CPT1C: variants seen among roughly 807,000 people sequenced by gnomAD.
The protein encoded by CPT1C is palmitoyl thioesterase CPT1C.
CPT1C carries 61 observed loss-of-function variants against 97.3 expected under a neutral mutation model. The observed-to-expected ratio is 0.63, with a 90% CI of 0.51 to 0.78. CPT1C has a LOEUF of 0.78. CPT1C is among the 30% of genes least tolerant of loss of function. CPT1C has a pLI of 0.00. For missense variants in CPT1C, 975 were observed against 1,065.5 expected (o/e 0.92, Z 1.18); for synonymous variants, 469 against 447.2 (o/e 1.05, Z -0.61).
chr19:49,700,224 G>A (rs1198547436), intron 4 of CPT1C, among the ~76,000 whole-genome samples: 5 of 151,118 alleles, frequency 3.3e-5, no homozygotes, highest in South Asian at 2.1e-4. Context: ...TCCAGCCTGG[G>A]CGACAGAGCG....
chr19:49,702,026 T>TATAA (rs374509367), intron 7 of CPT1C, among the ~76,000 whole-genome samples: 114 of 9,628 alleles, frequency 0.012, 19 homozygotes, highest in African/African-American at 0.019. Context: ...ATTTATAAAT[T>TATAA]ATAAATATAT....
chr19:49,704,816 G>C (rs200029616), intron 8 of CPT1C, 29 bp downstream of exon 8: 320 of 1,601,362 alleles, frequency 2.0e-4, no homozygotes, highest in Non-Finnish European at 2.4e-4. Flanking sequence ...AGGTTCATAG[G>C]CCCCAGGTCT....
At chr19:49,693,640 C>T (rs565748643) in intron 3 of CPT1C, among the ~76,000 whole-genome samples, 119 of 152,222 alleles carry the variant, frequency 7.8e-4, no homozygotes, top group Non-Finnish European at 1.4e-3. Context: ...GACAGAATCA[C>T]GCCTGGGCAC....
At chr19:49,711,551 A>C in intron 16 of CPT1C, 2 of 523,980 alleles carry the variant, frequency 3.8e-6, no homozygotes, top group South Asian at 2.4e-5. Flanking sequence ...CCGCACCTAC[A>C]AGGTATTGTG....
rs1199765668 is a variant in CPT1C, at chr19:49,692,408, T to G, written c.141+15T>G. 3.1e-6 allele frequency: 5 copies of G among 1,613,648 alleles called. No individual in the cohort carries two copies. The stretch of plus-strand genomic sequence containing the variant: ...CACGTTTCTGGGTGAGGAGCGGTGC[T>G]GGTCGGTTTCCTTCCGGGGATCCAG... On this transcript the variant is annotated intron_variant, in intron 3 of 19. Transcript: ENST00000598293.
rs1204304417 is a variant in CPT1C, at chr19:49,705,246, T to C, written c.912T>C (p.Ser304=). 1 of 1,612,640 alleles carries C rather than the reference T, an allele frequency of 6.2e-7. No individual in the cohort carries two copies. The highest frequency in any genetic ancestry group is 1.3e-5 in the African/African-American group (1 of 74,872). ...TGATGGGAATGCGCCCCTTATGCTC[T>C]GCCCAGTACGAGAAGATCTTCAACA... ...TLLMGMRPLC[S]AQYEKIFNTT... is the part of the protein sequence containing the mutation. Residue 304 remains serine, a synonymous_variant, in exon 10 of 20, where the codon TCT becomes TCC. Transcript: ENST00000598293.
Position 49,712,822 on chromosome 19 carries a change from T to C in CPT1C, c.2106T>C (p.Tyr702=), listed in dbSNP as rs1371944682. ...HLFDVHNYPD[Y]VSSGGGFGPA... is the part of the protein sequence containing the mutation. ...TTGACGTCCACAATTACCCGGACTA[T>C]GTTTCCTCAGGCGGTGGATTCGGGC... Residue 702 remains tyrosine (Y), a synonymous_variant, in exon 18 of 20, where the codon TAT becomes TAC. Coordinates refer to ENST00000598293, the MANE Select transcript of CPT1C (RefSeq NM_001199753.2). The C allele has an allele frequency of 1.2e-6, 2 of 1,611,496 alleles. No homozygotes were observed. Among genetic ancestry groups the C allele is most frequent in the East Asian group, 4.5e-5 (2 of 44,670 alleles).
At position 49,710,323 on chromosome 19, in the gene CPT1C, C is replaced by T. The variant is rs1276258249; in HGVS notation, c.1570C>T (p.His524Tyr). The T allele has an allele frequency of 8.1e-6, 13 of 1,613,712 alleles. No individual in the cohort carries two copies. Among genetic ancestry groups the T allele is most frequent in the African/African-American group, 1.3e-5 (1 of 74,922 alleles). The change falls in exon 15 of 20, where the codon CAC (histidine) becomes TAC (tyrosine). Residue 524 changes from histidine (H) to tyrosine (Y), a missense_variant. By Grantham distance (83) the His-to-Tyr change is moderately conservative. Coordinates refer to ENST00000598293, the MANE Select transcript of CPT1C (RefSeq NM_001199753.2). ...RLQWDLPDQI[H>Y]SSISLALRGA... ...CTCTTCCCTCCTCCTCTGGCAGATC[C>T]ACTCCTCCATCTCTCTAGCCCTGAG... is the stretch of plus-strand genomic sequence containing the variant.
Position 49,700,929 on chromosome 19 carries a change from TC to T in CPT1C, c.453+79del, listed in dbSNP as rs2082984445. 5 of 1,498,098 alleles carry T rather than the reference TC, an allele frequency of 3.3e-6. No homozygotes were observed. The Admixed American group carries it at 5.1e-5, about 15-fold the overall frequency. The allele number at this position is 1,498,098 out of a possible 1,614,324, so 92.8% of individuals were successfully genotyped here. A position where few individuals can be genotyped will look rare whatever the true frequency, so the allele number is the denominator to read the frequency against. ...CTATTCCCCTCTCTCTGGGTCTCTG[TC>T]CCCCTCTCTCTGGGTCTCTGTCCCT... On this transcript the variant is annotated intron_variant, in intron 5 of 19. Transcript: ENST00000598293.
chr19:49,705,978 G>A lies in CPT1C; in HGVS notation c.1034G>A (p.Gly345Glu). Residue 345 changes from glycine (G) to glutamate (E), a missense_variant, in exon 11 of 20, where the codon GGG (glycine) becomes GAG (glutamate). Gly to Glu is a moderately conservative substitution (Grantham distance 98). This residue lies in a region of CPT1C where 596 missense variants were observed against 603.1 expected (regional missense o/e 0.99). Coordinates refer to ENST00000598293, the MANE Select transcript of CPT1C (RefSeq NM_001199753.2). ...CACCGGGGCCGATTCTTCCGCATGG[G>A]GACCCACTCCCGAAACAGCCTGCTT... Reference protein sequence around the residue: ...VFHRGRFFRMGTHSRNSLLSP... With the variant: ...VFHRGRFFRMETHSRNSLLSP... 6.2e-7 allele frequency: 1 copy of A among 1,613,918 alleles called. No individual in the cohort carries two copies. Among genetic ancestry groups the A allele is most frequent in the Non-Finnish European group, 8.5e-7 (1 of 1,179,968 alleles).
chr19:49,705,643 C>T (rs911206059), intron 10 of CPT1C, among the ~76,000 whole-genome samples: 12 of 152,008 alleles, frequency 7.9e-5, no homozygotes, highest in South Asian at 4.2e-4. Context: ...ACCTGTGGCC[C>T]CAGTTAATCG....
chr19:49,692,081 G>GGGA (rs2082382838), intron 2 of CPT1C, 158 bp from the exon 3 acceptor site: 1 of 624,812 alleles, frequency 1.6e-6, no homozygotes, highest in Non-Finnish European at 2.6e-6. Flanking sequence ...CTGGGTCTGA[G>GGGA]GGAGGAGGGG....
chr19:49,704,948 G>C, intron 8 of CPT1C, 59 bp from the exon 9 acceptor site: 4 of 1,471,506 alleles, frequency 2.7e-6, no homozygotes, highest in Non-Finnish European at 3.7e-6. Context: ...TGGGTCAGTG[G>C]CTCCATCGGG....
Position 49,710,865 on chromosome 19 carries a change from C to G in CPT1C, c.1866+8C>G. 6.2e-7 allele frequency: 1 copy of G among 1,603,788 alleles called. No individual in the cohort carries two copies. Among genetic ancestry groups the G allele is most frequent in the Non-Finnish European group, 8.5e-7 (1 of 1,172,628 alleles). ...GAGGACAAAGAGAAGACGGTGGGTG[C>G]AGCCCTCGCTTGAGGCTTCAGTTAT... is the stretch of plus-strand genomic sequence containing the variant. On this transcript the variant is annotated splice_region_variant and intron_variant, in intron 16 of 19. Coordinates refer to ENST00000598293, the MANE Select transcript of CPT1C (RefSeq NM_001199753.2).
chr19:49,704,727 G>A lies in CPT1C; in HGVS notation c.711G>A (p.Glu237=), dbSNP rs2083403130. 3 of 1,614,044 alleles carry A rather than the reference G, an allele frequency of 1.9e-6. No individual in the cohort carries two copies. The highest frequency in any genetic ancestry group is 4.5e-5 in the East Asian group (2 of 44,884). The part of the protein sequence containing the change: ...WASNYVSDWW[E]EFVYLRSRNP... ...GCTCCCAGGTCAGTGACTGGTGGGA[G>A]GAATTTGTGTACCTGCGCTCCCGAA... Residue 237 remains glutamate, a synonymous_variant, in exon 8 of 20, where the codon GAG becomes GAA. Transcript: ENST00000598293.
Position 49,692,846 on chromosome 19 carries a change from C to T in CPT1C, c.141+453C>T, listed in dbSNP as rs550235428. 2.6e-5 allele frequency among the ~76,000 whole-genome samples: 4 copies of T among 152,288 alleles called. No individual in the cohort carries two copies. In the East Asian group the frequency reaches 7.7e-4, roughly 29 times the overall value. On this transcript the variant is annotated intron_variant, in intron 3 of 19. Coordinates refer to ENST00000598293, the MANE Select transcript of CPT1C (RefSeq NM_001199753.2). ...GGTTCAAGCAATTCCCTGCCTCAGC[C>T]TCCCAGGTAGCCGGGATTATTGGCG...
Position 49,706,150 on chromosome 19 carries a change from T to C in CPT1C, c.1160+46T>C, listed in dbSNP as rs753809818. 14 of 1,583,278 alleles carry C rather than the reference T, an allele frequency of 8.8e-6. No individual in the cohort carries two copies. Among genetic ancestry groups the C allele is most frequent in the Middle Eastern group, 3.4e-4 (2 of 5,930 alleles). On this transcript the variant is annotated intron_variant, in intron 11 of 19. Coordinates refer to ENST00000598293, the MANE Select transcript of CPT1C (RefSeq NM_001199753.2). This position sits in a 1 kb window ranked among gnomAD's most constrained non-coding sequence, Gnocchi z 4.8. ...GTCAGGGGCTCTCAGAGGCCGCCAG[T>C]GTCCTGAGACTGTGGAAGGGCAGGG... is the stretch of plus-strand genomic sequence containing the variant.
intron 12 of CPT1C, among the ~76,000 whole-genome samples, chr19:49,707,043 G>A (rs2083538984): frequency 6.6e-6 from 1 of 152,176 alleles, no homozygotes; most frequent in Admixed American, 6.5e-5. Flanking sequence ...GGGAGGCTGA[G>A]AGGGGCGGAT....
chr19:49,706,062 G>A lies in CPT1C; in HGVS notation c.1118G>A (p.Cys373Tyr). 6.2e-7 allele frequency: 1 copy of A among 1,613,786 alleles called. No individual in the cohort carries two copies. The highest frequency in any genetic ancestry group is 8.5e-7 in the Non-Finnish European group (1 of 1,179,864). The change falls in exon 11 of 20, where the codon TGC becomes TAC. Residue 373 changes from cysteine (C) to tyrosine (Y), a missense_variant. Around this residue, in one of 3 missense-constraint regions of CPT1C, gnomAD observed 596 missense variants for 603.1 expected, o/e 0.99. Transcript: ENST00000598293. The surrounding 1 kb of genome is among the most constrained non-coding windows in gnomAD (Gnocchi z 4.8). The part of the protein sequence containing the change: ...QRILDDPSPA[C>Y]PHEEHLAALT... Reference sequence around the variant, plus strand: ...ATCCTGGATGATCCCTCACCGGCCTGCCCCCACGAGGAACATCTGGCAGCT... The same window carrying A: ...ATCCTGGATGATCCCTCACCGGCCTACCCCCACGAGGAACATCTGGCAGCT...
Sources: allele counts gnomAD v4.1 joint callset (sites outside exome capture counted in the v4.1 genomes callset), GRCh38; gene constraint gnomAD v4.1.1; regional missense constraint gnomAD v4.1.1; non-coding constraint Gnocchi (gnomAD v3.1); transcripts MANE v1.5; gene names NCBI Gene and HGNC (gene_info 2026-07-23, HGNC 2026-07-21).